KCNH1: variants seen among roughly 807,000 people sequenced by gnomAD.
KCNH1 encodes potassium voltage-gated channel subfamily H member 1.
Under a neutral mutation model 69.2 loss-of-function variants are expected in KCNH1, and 27 were observed. That is an observed-to-expected ratio of 0.39 (90% confidence interval 0.29 to 0.54). The LOEUF (loss-of-function observed/expected upper bound fraction) is 0.54, where lower values mean the gene tolerates loss of function less well. KCNH1 is among the 20% of genes least tolerant of loss of function. The probability of loss-of-function intolerance (pLI) is 0.68; values close to 1 mark genes in which losing one functional copy is unlikely to be tolerated. For synonymous variants in KCNH1, 456 were observed against 487.7 expected, an observed-to-expected ratio of 0.93 and a Z score of 0.86; for missense variants, 798 against 1,261.6, an observed-to-expected ratio of 0.63 and a Z score of 5.57.
chr1:210,876,193 G>A (rs1686370037), intron 7 of KCNH1, among the ~76,000 whole-genome samples: 1 of 152,238 alleles, frequency 6.6e-6, no homozygotes, highest in Middle Eastern at 3.4e-3. Flanking sequence ...GAACAGCAAA[G>A]AGAACTGACC....
chr1:211,106,063 A>G (rs1382543510), intron 2 of KCNH1, among the ~76,000 whole-genome samples: 1 of 152,248 alleles, frequency 6.6e-6, no homozygotes, highest in Non-Finnish European at 1.5e-5. Flanking sequence ...TAGTAAGTAA[A>G]AATGCAACTT....
intron 7 of KCNH1, among the ~76,000 whole-genome samples, chr1:210,838,648 C>T (rs1574287593): frequency 6.6e-6 from 1 of 152,048 alleles, no homozygotes; most frequent in African/African-American, 2.4e-5. Context: ...AATGGGAGAA[C>T]ATTTTTGCAA....
At chr1:210,718,393 TA>T (rs371819640) in intron 10 of KCNH1, among the ~76,000 whole-genome samples, 1 of 124 alleles carries the variant, frequency 8.1e-3, no homozygotes. Context: ...TATTTATATA[TA>T]AAATATATGC....
chr1:210,728,446 T>C lies in KCNH1; in HGVS notation c.2113-44308A>G, dbSNP rs990141875. ...GGAGTAATGAACAAATGAAGACCAA[T>C]GGTGAAATAATAGATTTCAGTATAA... is the stretch of plus-strand genomic sequence containing the variant. On this transcript the variant is annotated intron_variant, in intron 10 of 10. Coordinates refer to ENST00000271751, the MANE Select transcript of KCNH1 (RefSeq NM_172362.3). Among the ~76,000 whole-genome samples, 7 of 152,320 alleles carry C rather than the reference T, an allele frequency of 4.6e-5. No individual in the cohort carries two copies. In the South Asian group the frequency reaches 1.2e-3, roughly 27 times the overall value.
chr1:210,827,989 A>G, intron 7 of KCNH1, among the ~76,000 whole-genome samples: 1 of 152,076 alleles, frequency 6.6e-6, no homozygotes, highest in Non-Finnish European at 1.5e-5. Flanking sequence ...CTGTGATTAC[A>G]GGTGTGCACC....
chr1:210,966,014 T>C (rs574369664), intron 6 of KCNH1, among the ~76,000 whole-genome samples: 14 of 152,326 alleles, frequency 9.2e-5, no homozygotes, highest in African/African-American at 2.6e-4. Context: ...CAAAACAGCA[T>C]GGTACTGGTA....
At chr1:211,048,862 T>C (rs79675789) in intron 5 of KCNH1, among the ~76,000 whole-genome samples, 6,689 of 152,234 alleles carry the variant, frequency 0.044, 268 homozygotes, top group East Asian at 0.12. Context: ...AATAGTTTTG[T>C]GCAAATAAAG....
At chr1:211,080,274 C>T (rs1690826792) in intron 5 of KCNH1, among the ~76,000 whole-genome samples, 1 of 152,086 alleles carries the variant, frequency 6.6e-6, no homozygotes, top group African/African-American at 2.4e-5. Flanking sequence ...ATGTGAAGGA[C>T]CCCTTCAAGG....
chr1:210,985,768 G>A (rs974370389), intron 6 of KCNH1, among the ~76,000 whole-genome samples: 1 of 152,156 alleles, frequency 6.6e-6, no homozygotes, highest in Non-Finnish European at 1.5e-5. Context: ...TGTTGAGTCG[G>A]GGTGGAGAGT....
chr1:211,050,853 G>T (rs1462027853), intron 5 of KCNH1, among the ~76,000 whole-genome samples: 1 of 152,114 alleles, frequency 6.6e-6, no homozygotes, highest in Non-Finnish European at 1.5e-5. Flanking sequence ...CCTACCAAGG[G>T]TCTGCACTGA....
At chr1:211,002,599 C>A (rs1689209402) in intron 6 of KCNH1, among the ~76,000 whole-genome samples, 1 of 151,770 alleles carries the variant, frequency 6.6e-6, no homozygotes, top group South Asian at 2.1e-4. Context: ...AAGGAAAAAT[C>A]AAGAATTTCT....
chr1:210,792,824 C>T (rs371177478), intron 9 of KCNH1, among the ~76,000 whole-genome samples: 41 of 152,080 alleles, frequency 2.7e-4, no homozygotes, highest in African/African-American at 9.4e-4. Context: ...ATATAAATAT[C>T]GTACTTATAA....
chr1:210,832,919 T>TATATATATATATATATATATATATAC (rs982373308), intron 7 of KCNH1, among the ~76,000 whole-genome samples: 1 of 131,486 alleles, frequency 7.6e-6, no homozygotes. Context: ...TATATATATA[T>TATATATATATATATATATATATATAC]ATACATATAA....
intron 2 of KCNH1, among the ~76,000 whole-genome samples, chr1:211,103,913 T>C (rs1221860716): frequency 6.6e-6 from 1 of 152,222 alleles, no homozygotes; most frequent in East Asian, 1.9e-4. Context: ...ACACACAGAA[T>C]AGGCACAGTG....
At chr1:210,750,879 C>T (rs1282345388) in intron 10 of KCNH1, among the ~76,000 whole-genome samples, 7 of 152,034 alleles carry the variant, frequency 4.6e-5, no homozygotes, top group Admixed American at 2.0e-4. Flanking sequence ...ATCTAATGTT[C>T]TCATTTTACA....
intron 7 of KCNH1, among the ~76,000 whole-genome samples, chr1:210,905,517 AGT>A (rs1326881347): frequency 6.6e-6 from 1 of 152,154 alleles, no homozygotes. Context: ...GGTTCCAGAG[AGT>A]GAGTCTGTCA....
intron 7 of KCNH1, among the ~76,000 whole-genome samples, chr1:210,896,787 G>C (rs1686876492): frequency 6.6e-6 from 1 of 152,044 alleles, no homozygotes; most frequent in Non-Finnish European, 1.5e-5. Context: ...CAAAGAACAA[G>C]GAACAAGTGA....
At chr1:210,726,876 C>T (rs1682609527) in intron 10 of KCNH1, among the ~76,000 whole-genome samples, 1 of 152,076 alleles carries the variant, frequency 6.6e-6, no homozygotes, top group Admixed American at 6.5e-5. Context: ...GAAGTGCCTG[C>T]TTACTCAACC....
chr1:210,699,133 GAAC>G (rs1293748852), intron 10 of KCNH1, among the ~76,000 whole-genome samples: 2 of 152,188 alleles, frequency 1.3e-5, no homozygotes, highest in African/African-American at 4.8e-5. Flanking sequence ...ACTGTAAAGA[GAAC>G]AATAGGCTCT....
Sources: allele counts gnomAD v4.1 joint callset (sites outside exome capture counted in the v4.1 genomes callset), GRCh38; gene constraint gnomAD v4.1.1; transcripts MANE v1.5; gene names NCBI Gene and HGNC (gene_info 2026-07-23, HGNC 2026-07-21).